Variants in OGDH observed in about 807,000 individuals in gnomAD.
OGDH encodes the protein 2-oxoglutarate dehydrogenase complex component E1.
In OGDH, 38 loss-of-function variants were observed where a neutral mutation model predicts 116.6. That is an observed-to-expected ratio of 0.33 (90% CI 0.25 to 0.43). OGDH has a LOEUF of 0.43. OGDH is among the 20% of genes least tolerant of loss of function. OGDH has a pLI of 1.00. For missense variants in OGDH, 825 were observed against 1,357.2 expected (o/e 0.61, Z 6.16); for synonymous variants, 488 against 533.3 (o/e 0.92, Z 1.17).
intron 4 of OGDH, among the ~76,000 whole-genome samples, chr7:44,661,660 G>GGGCGT (rs1786950663): frequency 6.6e-6 from 1 of 151,886 alleles, no homozygotes; most frequent in Admixed American, 6.6e-5. Context: ...AGTGGTGCAG[G>GGGCGT]GGCGTGATCT....
chr7:44,691,059 CTCT>C (rs1788344020), intron 10 of OGDH, among the ~76,000 whole-genome samples: 1 of 152,038 alleles, frequency 6.6e-6, no homozygotes, highest in Non-Finnish European at 1.5e-5. Flanking sequence ...TTTTCTTTAT[CTCT>C]TTACTGCTTT....
intron 2 of OGDH, among the ~76,000 whole-genome samples, chr7:44,642,896 T>C (rs953781264): frequency 1.3e-5 from 2 of 150,804 alleles, no homozygotes; most frequent in African/African-American, 4.9e-5. Context: ...CACTCCAGCC[T>C]GGGCAACAGA....
intron 2 of OGDH, among the ~76,000 whole-genome samples, chr7:44,630,305 G>A (rs1785382506): frequency 6.6e-6 from 1 of 152,232 alleles, no homozygotes; most frequent in African/African-American, 2.4e-5. Context: ...CATGTGCGGT[G>A]AAGGGGCTTC....
chr7:44,700,172 A>G lies in OGDH; in HGVS notation c.2462A>G (p.Gln821Arg). ...DLKEANFDINQLYDCNWVVVN... is the reference protein window; with the variant it reads ...DLKEANFDINRLYDCNWVVVN... ...AAAGAAGCCAACTTCGACATCAATC[A>G]GCTATATGACTGCAATTGGGTTGTT... Residue 821 changes from glutamine to arginine, a missense_variant, in exon 19 of 23, where the codon CAG becomes CGG. Coordinates refer to ENST00000222673, the MANE Select transcript of OGDH (RefSeq NM_002541.4). The G allele has an allele frequency of 6.2e-7, 1 of 1,614,158 alleles. No individual in the cohort carries two copies. The highest frequency in any genetic ancestry group is 8.5e-7 in the Non-Finnish European group (1 of 1,180,008).
At chr7:44,663,453 G>A (rs188563527) in intron 4 of OGDH, among the ~76,000 whole-genome samples, 2 of 152,196 alleles carry the variant, frequency 1.3e-5, no homozygotes, top group East Asian at 3.9e-4. Flanking sequence ...GCCAACGTGG[G>A]AAAACTCCAT....
At chr7:44,613,069 G>C (rs532632594) in intron 1 of OGDH, among the ~76,000 whole-genome samples, 1 of 151,760 alleles carries the variant, frequency 6.6e-6, no homozygotes, top group Non-Finnish European at 1.5e-5. Flanking sequence ...GTAGAGACAG[G>C]GTTTCACCAT....
Position 44,629,932 on chromosome 7 carries a change from C to T in OGDH, c.222+5367C>T, listed in dbSNP as rs147249199. ...TTCTTGCACTTTTCACGTGTCAGCT[C>T]CTAAAGTGTGTACATGTGGTCGCTG... On this transcript the variant is annotated intron_variant, in intron 2 of 22. Transcript: ENST00000222673. 2.5e-3 allele frequency among the ~76,000 whole-genome samples: 378 copies of T among 152,208 alleles called. 6 individuals are homozygous for T. In the East Asian group the frequency reaches 0.028, roughly 11 times the overall value.
intron 2 of OGDH, among the ~76,000 whole-genome samples, chr7:44,629,575 CTTTTCTTTT>C (rs1785344328): frequency 2.2e-5 from 3 of 134,420 alleles, no homozygotes; most frequent in South Asian, 2.4e-4. Flanking sequence ...TTTTCTTTTT[CTTTTCTTTT>C]TTTTTTTTTT....
Position 44,697,032 on chromosome 7 carries a change from G to A in OGDH, c.2019G>A (p.Leu673=). ...TGAAGGAGGGCATCCACATTCGGCT[G>A]AGCGGCCAGGACGTGGAGCGGGGCA... ...SLLKEGIHIR[L]SGQDVERGTF... Residue 673 remains leucine, a synonymous_variant, in exon 15 of 23, where the codon CTG becomes CTA. Coordinates refer to ENST00000222673, the MANE Select transcript of OGDH (RefSeq NM_002541.4). This position sits in a 1 kb window ranked among gnomAD's most constrained non-coding sequence, Gnocchi z 6.0. 1 of 1,614,216 alleles carries A rather than the reference G, an allele frequency of 6.2e-7. No homozygotes were observed. Among genetic ancestry groups the A allele is most frequent in the Non-Finnish European group, 8.5e-7 (1 of 1,180,016 alleles).
intron 2 of OGDH, among the ~76,000 whole-genome samples, chr7:44,640,666 C>T (rs141429511): frequency 1.9e-3 from 294 of 152,074 alleles, no homozygotes; most frequent in Middle Eastern, 3.4e-3. Flanking sequence ...ATGGGTTTTA[C>T]GAAATAGAAG....
At chr7:44,670,690 A>G (rs956416681) in intron 5 of OGDH, among the ~76,000 whole-genome samples, 54 of 152,262 alleles carry the variant, frequency 3.5e-4, no homozygotes, top group African/African-American at 1.2e-3. Context: ...AGAAGTTCAT[A>G]GTTTTATCTT....
intron 1 of OGDH, among the ~76,000 whole-genome samples, chr7:44,621,140 C>G (rs1323793260): frequency 6.6e-6 from 1 of 152,140 alleles, no homozygotes; most frequent in African/African-American, 2.4e-5. Context: ...GTGGCACGAT[C>G]ATAGCTTACT....
intron 20 of OGDH, among the ~76,000 whole-genome samples, chr7:44,705,606 G>A (rs1297158497): frequency 6.6e-6 from 1 of 151,910 alleles, no homozygotes; most frequent in Non-Finnish European, 1.5e-5. Flanking sequence ...TGATGCAATC[G>A]TAGCTCACTG....
chr7:44,609,502 C>T (rs1414499410), intron 1 of OGDH, among the ~76,000 whole-genome samples: 2 of 141,346 alleles, frequency 1.4e-5, no homozygotes, highest in Non-Finnish European at 3.2e-5. Context: ...AGAGTGAGAC[C>T]CTGTCTCAAA....
chr7:44,620,419 A>G (rs1784967567), intron 1 of OGDH, among the ~76,000 whole-genome samples: 1 of 152,250 alleles, frequency 6.6e-6, no homozygotes, highest in Admixed American at 6.5e-5. Context: ...TCAAGGTTAC[A>G]AAGATTTACT....
chr7:44,643,596 T>A lies in OGDH; in HGVS notation c.223-1731T>A, dbSNP rs1786045243. ...TGGGACCATCTGAGTGACGTACATC[T>A]GTGCCCTAGCCAGCATTATAAAAGA... is the stretch of plus-strand genomic sequence containing the variant. On this transcript the variant is annotated intron_variant, in intron 2 of 22. Coordinates refer to ENST00000222673, the MANE Select transcript of OGDH (RefSeq NM_002541.4). 2.0e-5 allele frequency among the ~76,000 whole-genome samples: 3 copies of A among 152,336 alleles called. No individual in the cohort carries two copies. In the South Asian group the frequency reaches 6.2e-4, roughly 32 times the overall value.
chr7:44,620,254 C>G (rs1295285840), intron 1 of OGDH, among the ~76,000 whole-genome samples: 2 of 152,248 alleles, frequency 1.3e-5, no homozygotes, highest in Non-Finnish European at 2.9e-5. Context: ...CCCCTGACCT[C>G]AAGTGATCCG....
Position 44,661,785 on chromosome 7 carries a change from G to GTAGAGGCAGGGTTTCACCATGTTGGCCA in OGDH, c.518-4950_518-4923dup, listed in dbSNP as rs1786957850. Among the ~76,000 whole-genome samples, 3 of 152,172 alleles carry GTAGAGGCAGGGTTTCACCATGTTGGCCA rather than the reference G, an allele frequency of 2.0e-5. No individual in the cohort carries two copies. In the South Asian group the frequency reaches 6.2e-4, roughly 32 times the overall value. On this transcript the variant is annotated intron_variant, in intron 4 of 22. Transcript: ENST00000222673. ...CCCAGATAATTTTTTTGTATTTTTA[G>GTAGAGGCAGGGTTTCACCATGTTGGCCA]TAGAGGCAGGGTTTCACCATGTTGG...
chr7:44,652,361 C>T (rs939924048), intron 4 of OGDH, among the ~76,000 whole-genome samples: 1 of 151,960 alleles, frequency 6.6e-6, no homozygotes, highest in African/African-American at 2.4e-5. Context: ...GCCCTCGCCT[C>T]AGCCTCCCAA....
Sources: allele counts gnomAD v4.1 joint callset (sites outside exome capture counted in the v4.1 genomes callset), GRCh38; gene constraint gnomAD v4.1.1; non-coding constraint Gnocchi (gnomAD v3.1); transcripts MANE v1.5; gene names NCBI Gene and HGNC (gene_info 2026-07-23, HGNC 2026-07-21).